SPTBN1: variants seen among roughly 807,000 people sequenced by gnomAD.
The protein encoded by SPTBN1 is spectrin beta chain, non-erythrocytic 1.
A neutral mutation model predicts 266.4 loss-of-function variants in SPTBN1; 32 were observed. The ratio of observed to expected loss-of-function variants is 0.12; its 90% confidence interval spans 0.09 to 0.16. The LOEUF (loss-of-function observed/expected upper bound fraction) is 0.16, where lower values mean the gene tolerates loss of function less well. SPTBN1 is among the 10% of genes least tolerant of loss of function. The probability of loss-of-function intolerance (pLI) is 1.00; values close to 1 mark genes in which losing one functional copy is unlikely to be tolerated. For missense variants in SPTBN1, 2,296 were observed against 3,067.1 expected (o/e 0.75, Z 5.94); for synonymous variants, 1,336 against 1,162.2 (o/e 1.15, Z -3.04).
chr2:54,614,870 G>A lies in SPTBN1; in HGVS notation c.475-1337G>A, dbSNP rs139129568. ...TAAGTTTGCCTAGTTTAAATAGGGAGCTGTCTTCATTTCAGAAGGGTAGGC... is the reference window on the plus strand; with the variant it reads ...TAAGTTTGCCTAGTTTAAATAGGGAACTGTCTTCATTTCAGAAGGGTAGGC... On this transcript the variant is annotated intron_variant, in intron 4 of 35. Coordinates refer to ENST00000356805, the MANE Select transcript of SPTBN1 (RefSeq NM_003128.3). 2.2e-3 allele frequency among the ~76,000 whole-genome samples: 341 copies of A among 152,218 alleles called. 2 individuals carry two copies. Among genetic ancestry groups the A allele is most frequent in the African/African-American group, 7.7e-3 (319 of 41,546 alleles).
At chr2:54,497,382 C>G (rs1365591785) in intron 1 of SPTBN1, among the ~76,000 whole-genome samples, 1 of 151,986 alleles carries the variant, frequency 6.6e-6, no homozygotes, top group Non-Finnish European at 1.5e-5. Flanking sequence ...TTCAAGTTTT[C>G]CACTAAGCTC....
chr2:54,456,668 G>C (rs1156694814), intron 1 of SPTBN1, 150 bp downstream of exon 1: 1 of 151,164 alleles, frequency 6.6e-6, no homozygotes, highest in Non-Finnish European at 1.5e-5. Context: ...GGAGCCGCGT[G>C]GGGGCAGGGA....
intron 1 of SPTBN1, among the ~76,000 whole-genome samples, chr2:54,479,985 T>C (rs1668020425): frequency 1.3e-5 from 2 of 152,190 alleles, no homozygotes; most frequent in Admixed American, 1.3e-4. Flanking sequence ...AACATTAATA[T>C]TTACTAATGG....
chr2:54,649,759 C>G lies in SPTBN1; in HGVS notation c.5347C>G (p.Leu1783Val). 1 of 1,614,212 alleles carries G rather than the reference C, an allele frequency of 6.2e-7. No homozygotes were observed. Among genetic ancestry groups the G allele is most frequent in the Non-Finnish European group, 8.5e-7 (1 of 1,180,030 alleles). The change falls in exon 26 of 36, where the codon CTC becomes GTC. Residue 1783 changes from leucine (L) to valine (V), a missense_variant. Transcript: ENST00000356805. The surrounding 1 kb of genome is among the most constrained non-coding windows in gnomAD (Gnocchi z 6.7). ...CACCATCGCTGAATGGAAGGATGGCCTCAATGAAGCCTGGGCCGACCTCCT... is the reference window on the plus strand; with the variant it reads ...CACCATCGCTGAATGGAAGGATGGCGTCAATGAAGCCTGGGCCGACCTCCT... ...AATIAEWKDG[L>V]NEAWADLLEL...
chr2:54,536,347 A>G (rs1421087238), intron 2 of SPTBN1, among the ~76,000 whole-genome samples: 1 of 152,278 alleles, frequency 6.6e-6, no homozygotes, highest in Non-Finnish European at 1.5e-5. Flanking sequence ...TAACAGTGCA[A>G]CGCAGCTCTC....
intron 2 of SPTBN1, among the ~76,000 whole-genome samples, chr2:54,548,087 G>A (rs530704399): frequency 9.2e-5 from 14 of 152,296 alleles, no homozygotes; most frequent in Non-Finnish European, 1.9e-4. Flanking sequence ...AGCTTGCAGT[G>A]AGCCAAGATC....
At chr2:54,622,608 C>A in intron 9 of SPTBN1, 121 bp downstream of exon 9, 1 of 1,122,028 alleles carries the variant, frequency 8.9e-7, no homozygotes, top group South Asian at 1.6e-5. Flanking sequence ...AGTAGTGTGT[C>A]CTACTCCTTT....
chr2:54,661,626 CAAAA>C (rs573567275), intron 32 of SPTBN1: 6 of 985,704 alleles, frequency 6.1e-6, no homozygotes, highest in Non-Finnish European at 7.2e-6. Context: ...TCATTTTAGA[CAAAA>C]AAACTTCTGC....
chr2:54,624,424 T>C (rs947074285), intron 10 of SPTBN1, among the ~76,000 whole-genome samples: 6 of 152,230 alleles, frequency 3.9e-5, no homozygotes, highest in Non-Finnish European at 7.3e-5. Context: ...CAGGGTGGAA[T>C]GAATGAGAAA....
At chr2:54,529,505 C>T (rs1486690740) in intron 2 of SPTBN1, 1 of 712,800 alleles carries the variant, frequency 1.4e-6, no homozygotes, top group East Asian at 2.6e-5. Flanking sequence ...GACACTGAGA[C>T]TCTGGAGGCC....
chr2:54,641,590 CT>C (rs1418372277), intron 18 of SPTBN1, among the ~76,000 whole-genome samples: 1 of 152,140 alleles, frequency 6.6e-6, no homozygotes, highest in African/African-American at 2.4e-5. Context: ...TGACAAAGGA[CT>C]TTATGAGATT....
At chr2:54,609,931 A>T (rs1677099550) in intron 3 of SPTBN1, among the ~76,000 whole-genome samples, 1 of 152,138 alleles carries the variant, frequency 6.6e-6, no homozygotes, top group African/African-American at 2.4e-5. Flanking sequence ...CCTGATTATA[A>T]ACCCAGCTGC....
Position 54,526,565 on chromosome 2 carries a change from A to G in SPTBN1, c.147A>G (p.Ala49=). The change falls in exon 2 of 36, where the codon GCA becomes GCG. Residue 49 remains alanine (A), a splice_region_variant and synonymous_variant. Transcript: ENST00000356805. ...AGCGGTCCCGCATCAAGGCTCTGGC[A>G]GGTGAGTCCTTCACACCTGTCACAG... ...LFERSRIKAL[A]DEREAVQKKT... 1 of 1,613,292 alleles carries G rather than the reference A, an allele frequency of 6.2e-7. No individual in the cohort carries two copies. The highest frequency in any genetic ancestry group is 8.5e-7 in the Non-Finnish European group (1 of 1,179,554).
At chr2:54,468,771 T>C (rs1439649702) in intron 1 of SPTBN1, among the ~76,000 whole-genome samples, 1 of 152,262 alleles carries the variant, frequency 6.6e-6, no homozygotes, top group Non-Finnish European at 1.5e-5. Flanking sequence ...TCTGTTTTGT[T>C]CTGAAGGGAA....
intron 1 of SPTBN1, among the ~76,000 whole-genome samples, chr2:54,476,116 G>A (rs1056403002): frequency 7.2e-5 from 11 of 151,816 alleles, no homozygotes; most frequent in African/African-American, 1.9e-4. Context: ...CCAGAATCTC[G>A]GTGGCTCAAA....
At chr2:54,644,193 A>G (rs1333962220) in intron 19 of SPTBN1, 130 bp from the exon 20 acceptor site, 6 of 1,175,934 alleles carry the variant, frequency 5.1e-6, no homozygotes, top group East Asian at 4.9e-5. Flanking sequence ...CAGTAACTTC[A>G]TGTGGAAAGA....
intron 24 of SPTBN1, among the ~76,000 whole-genome samples, chr2:54,648,459 C>G (rs988649316): frequency 1.3e-5 from 2 of 152,200 alleles, no homozygotes; most frequent in African/African-American, 2.4e-5. Flanking sequence ...GATGGGCACT[C>G]TGCCCAGAGA....
chr2:54,578,034 G>A (rs1031174482), intron 2 of SPTBN1, among the ~76,000 whole-genome samples: 1 of 152,150 alleles, frequency 6.6e-6, no homozygotes, highest in Non-Finnish European at 1.5e-5. Flanking sequence ...CCTTTTCTTT[G>A]ATGGTACTTT....
chr2:54,557,926 C>T, intron 2 of SPTBN1: 2 of 985,406 alleles, frequency 2.0e-6, no homozygotes, highest in Non-Finnish European at 2.4e-6. Flanking sequence ...TGGTTGGCGC[C>T]AGCGCACTGG....
Sources: gnomAD v4.1 joint callset for allele counts (sites outside exome capture counted in the v4.1 genomes callset) on GRCh38, gnomAD v4.1.1 for gene constraint, Gnocchi (gnomAD v3.1) non-coding constraint, MANE v1.5 for transcripts, NCBI Gene and HGNC (gene_info 2026-07-23, HGNC 2026-07-21) for gene names.